KRT222: variants seen among roughly 807,000 people sequenced by gnomAD.
KRT222 encodes the protein keratin-like protein KRT222.
In KRT222, 23 loss-of-function variants were observed where a neutral mutation model predicts 35.0. The observed-to-expected ratio is 0.66, with a 90% CI of 0.47 to 0.93. The LOEUF (loss-of-function observed/expected upper bound fraction) is 0.93. Among genes scored for constraint, KRT222 ranks in the 40% least tolerant of loss-of-function variants. The pLI, the probability that KRT222 is intolerant of heterozygous loss-of-function variation, is 0.00. For missense variants in KRT222, 339 were observed against 346.3 expected, an observed-to-expected ratio of 0.98 and a Z score of 0.17; for synonymous variants, 108 against 118.8, an observed-to-expected ratio of 0.91 and a Z score of 0.59.
rs2037372585 is a variant in KRT222 at position 40,660,157 on chromosome 17, C to T, written c.276G>A (p.Met92Ile). 3 of 1,614,024 alleles carry T rather than the reference C, an allele frequency of 1.9e-6. No individual in the cohort carries two copies. The highest frequency in any genetic ancestry group is 3.3e-5 in the Admixed American group (2 of 60,006). The part of the protein sequence containing the change: ...SLHASEQHYQ[M>I]QLQDLETVIE... ...TCACAGTCTCTAGGTCTTGCAGCTG[C>T]ATCTGGTAATGCTGCTCGCTGGCAT... The change falls in exon 3 of 6, where the codon ATG (methionine) becomes ATA (isoleucine). Residue 92 changes from methionine (M) to isoleucine (I), a missense_variant. Physicochemically the swap from Met to Ile is conservative, Grantham distance 10. Transcript: ENST00000394052.
chr17:40,664,443 G>A (rs2144036592), intron 1 of KRT222, among the ~76,000 whole-genome samples: 1 of 152,204 alleles, frequency 6.6e-6, no homozygotes, highest in South Asian at 2.1e-4. Flanking sequence ...CCAATTTGGG[G>A]AATTTCAATG....
intron 5 of KRT222, among the ~76,000 whole-genome samples, chr17:40,657,010 A>G (rs1477495654): frequency 2.0e-5 from 3 of 151,926 alleles, no homozygotes; most frequent in Non-Finnish European, 2.9e-5. Flanking sequence ...AGAATGAGAC[A>G]AGCCTGGCCA....
At chr17:40,662,324 A>G (rs1298326723) in intron 1 of KRT222, among the ~76,000 whole-genome samples, 1 of 152,176 alleles carries the variant, frequency 6.6e-6, no homozygotes, top group Non-Finnish European at 1.5e-5. Context: ...ATGAATGAAA[A>G]CAGTTTGCAG....
rs748111031 is a variant in KRT222, at chr17:40,656,670, T to G, written c.660-40A>C. On this transcript the variant is annotated intron_variant, in intron 5 of 5. Coordinates refer to ENST00000394052, the MANE Select transcript of KRT222 (RefSeq NM_152349.3). ...TAAACCTTTTAATAATGAAGAAGTA[T>G]GGGTCTATTAAAAATATGTATTATA... 13 of 1,140,764 alleles carry G rather than the reference T, an allele frequency of 1.1e-5. No individual in the cohort carries two copies. In the African/African-American group the frequency reaches 2.0e-4, roughly 18 times the overall value. The allele number at this position is 1,140,764 out of a possible 1,614,324, so 70.7% of individuals were successfully genotyped here.
At chr17:40,664,449 C>A (rs2037407333) in intron 1 of KRT222, among the ~76,000 whole-genome samples, 1 of 152,074 alleles carries the variant, frequency 6.6e-6, no homozygotes, top group South Asian at 2.1e-4. Context: ...TGGGGAATTT[C>A]AATGGTCATA....
Position 40,657,378 on chromosome 17 carries a change from C to A in KRT222, c.633G>T (p.Glu211Asp). ...GAATAGTGCCATGAGCTTCAGTGCTCTCCTTAACGATACTCCCATTTAAGA... is the reference window on the plus strand; with the variant it reads ...GAATAGTGCCATGAGCTTCAGTGCTATCCTTAACGATACTCCCATTTAAGA... ...QAILNGSIVK[E>D]STEAHGTIQT... Residue 211 changes from glutamate to aspartate, a missense_variant, in exon 5 of 6, where the codon GAG becomes GAT. Physicochemically the swap from Glu to Asp is conservative, Grantham distance 45. Transcript: ENST00000394052. 6.2e-7 allele frequency: 1 copy of A among 1,607,416 alleles called. No individual in the cohort carries two copies. The highest frequency in any genetic ancestry group is 1.1e-5 in the South Asian group (1 of 89,650).
Position 40,654,807 on chromosome 17 carries a change from G to T in KRT222, c.*1595C>A, listed in dbSNP as rs1374063630. ...TCAAATGAAACATTTTTTATGTATAGGATGTATTTTAGGTCAGATGCTTAT... is the reference window on the plus strand; with the variant it reads ...TCAAATGAAACATTTTTTATGTATATGATGTATTTTAGGTCAGATGCTTAT... On this transcript the variant is annotated 3_prime_UTR_variant, in exon 6 of 6. Coordinates refer to ENST00000394052, the MANE Select transcript of KRT222 (RefSeq NM_152349.3). The T allele has an allele frequency of 1.3e-5, 2 of 151,568 alleles. No individual in the cohort carries two copies. Among genetic ancestry groups the T allele is most frequent in the Non-Finnish European group, 2.9e-5 (2 of 67,852 alleles). The allele number at this position is 151,568 out of a possible 1,614,324, so 9.4% of individuals were successfully genotyped here. A position where few individuals can be genotyped will look rare whatever the true frequency, so the allele number is the denominator to read the frequency against.
At chr17:40,660,989 T>G (rs1205099787) in intron 2 of KRT222, among the ~76,000 whole-genome samples, 1 of 152,040 alleles carries the variant, frequency 6.6e-6, no homozygotes, top group African/African-American at 2.4e-5. Context: ...CTGTCGCTCA[T>G]GCTGGAGTGC....
rs751191563 is a variant in KRT222, at chr17:40,660,087, C to T, written c.346G>A (p.Glu116Lys). 7.4e-6 allele frequency: 12 copies of T among 1,614,110 alleles called. No homozygotes were observed. The highest frequency in any genetic ancestry group is 1.7e-5 in the Admixed American group (1 of 60,020). ...KELQEVRRGIEKQLQEHEMLL... is the reference protein window; with the variant it reads ...KELQEVRRGIKKQLQEHEMLL... ...ATCTCGTGCTCTTGAAGCTGCTTTT[C>T]GATGCCGCGCCTTACTTCCTGTAGC... Residue 116 changes from glutamate to lysine, a missense_variant, in exon 3 of 6, where the codon GAA becomes AAA. Glu to Lys is a moderately conservative substitution (Grantham distance 56, BLOSUM62 1). Transcript: ENST00000394052.
intron 3 of KRT222, 101 bp downstream of exon 3, chr17:40,659,886 A>C (rs986734781): frequency 1.1e-6 from 1 of 924,296 alleles, no homozygotes; most frequent in Non-Finnish European, 1.7e-6. Context: ...CACCATGATG[A>C]TGATGGGGTT....
At position 40,657,704 on chromosome 17, in the gene KRT222, T is replaced by A. The variant is rs372921728; in HGVS notation, c.493A>T (p.Thr165Ser). The A allele has an allele frequency of 6.8e-6, 11 of 1,612,842 alleles. No individual in the cohort carries two copies. The African/African-American group carries it at 1.5e-4, about 22-fold the overall frequency. The change falls in exon 4 of 6, where the codon ACA becomes TCA. Residue 165 changes from threonine to serine, a missense_variant. Transcript: ENST00000394052. Reference protein sequence around the residue: ...QGGKKDKKPTTSRVGFVLPSA... With the variant: ...QGGKKDKKPTSSRVGFVLPSA... ...GGTAAAACAAAACCAACTCTACTTGTGGTAGGCTTTTTGTCTTTTTTCCCA... is the reference window on the plus strand; with the variant it reads ...GGTAAAACAAAACCAACTCTACTTGAGGTAGGCTTTTTGTCTTTTTTCCCA...
intron 1 of KRT222, among the ~76,000 whole-genome samples, chr17:40,663,780 T>C (rs556220251): frequency 3.3e-5 from 5 of 152,372 alleles, no homozygotes; most frequent in African/African-American, 9.6e-5. Context: ...CACCGTAGTC[T>C]TGCTTTTTCA....
At chr17:40,662,906 AAT>A (rs2037392717) in intron 1 of KRT222, among the ~76,000 whole-genome samples, 1 of 152,036 alleles carries the variant, frequency 6.6e-6, no homozygotes, top group South Asian at 2.1e-4. Flanking sequence ...TTCTTATAAA[AAT>A]ATATTTTAAC....
chr17:40,660,436 C>T (rs974348456), intron 2 of KRT222, among the ~76,000 whole-genome samples: 18 of 151,832 alleles, frequency 1.2e-4, no homozygotes, highest in African/African-American at 3.6e-4. Context: ...CGTGCCACCA[C>T]GCCCGGCTAA....
In KRT222 at chr17:40,654,881, C is replaced by T. The variant is rs1250917565; in HGVS notation, c.*1521G>A. Reference sequence around the variant, plus strand: ...TGTTATATCCTTGACAAAACAAAATCATCCCTTTTCACTAAATAGAATAAA... The same window carrying T: ...TGTTATATCCTTGACAAAACAAAATTATCCCTTTTCACTAAATAGAATAAA... On this transcript the variant is annotated 3_prime_UTR_variant, in exon 6 of 6. Coordinates refer to ENST00000394052, the MANE Select transcript of KRT222 (RefSeq NM_152349.3). 2.6e-5 allele frequency: 4 copies of T among 151,440 alleles called. No homozygotes were observed. Among genetic ancestry groups the T allele is most frequent in the Admixed American group, 6.6e-5 (1 of 15,188 alleles). 9.4% of individuals were successfully genotyped at this position (151,440 alleles called of 1,614,324 possible). A position where few individuals can be genotyped will look rare whatever the true frequency, so the allele number is the denominator to read the frequency against.
At chr17:40,663,517 C>A (rs554905201) in intron 1 of KRT222, among the ~76,000 whole-genome samples, 21 of 152,346 alleles carry the variant, frequency 1.4e-4, no homozygotes, top group Non-Finnish European at 2.6e-4. Flanking sequence ...AAAGTCCCAG[C>A]AGAGCCAGCC....
chr17:40,658,045 T>A (rs942224827), intron 3 of KRT222, among the ~76,000 whole-genome samples: 1 of 151,958 alleles, frequency 6.6e-6, no homozygotes, highest in Non-Finnish European at 1.5e-5. Context: ...AGCATCAAAT[T>A]CAGAAGCCAG....
At chr17:40,657,999 A>G (rs1158410840) in intron 3 of KRT222, among the ~76,000 whole-genome samples, 1 of 152,212 alleles carries the variant, frequency 6.6e-6, no homozygotes, top group Non-Finnish European at 1.5e-5. Context: ...GTAGGAATAC[A>G]TACATATTAC....
Position 40,660,177 on chromosome 17 carries a change from T to C in KRT222, c.256A>G (p.Ser86Gly). 1 of 1,614,150 alleles carries C rather than the reference T, an allele frequency of 6.2e-7. No individual in the cohort carries two copies. The highest frequency in any genetic ancestry group is 2.2e-5 in the East Asian group (1 of 44,892). Residue 86 changes from serine (S) to glycine (G), a missense_variant, in exon 3 of 6, where the codon AGC (serine) becomes GGC (glycine). Coordinates refer to ENST00000394052, the MANE Select transcript of KRT222 (RefSeq NM_152349.3). ...ERGLENSLHA[S>G]EQHYQMQLQD... ...AGCTGCATCTGGTAATGCTGCTCGCTGGCATGTAGGGAGTTTTCAAGGCCC... is the reference window on the plus strand; with the variant it reads ...AGCTGCATCTGGTAATGCTGCTCGCCGGCATGTAGGGAGTTTTCAAGGCCC...
Sources: allele counts gnomAD v4.1 joint callset (sites outside exome capture counted in the v4.1 genomes callset), GRCh38; gene constraint gnomAD v4.1.1; transcripts MANE v1.5; gene names NCBI Gene and HGNC (gene_info 2026-07-23, HGNC 2026-07-21).